Variants in RCAN2 observed in about 807,000 individuals in gnomAD.
The protein encoded by RCAN2 is calcipressin-2.
In RCAN2, 9 loss-of-function variants were observed where a neutral mutation model predicts 23.6. The observed-to-expected ratio is 0.38, with a 90% confidence interval of 0.23 to 0.67. RCAN2 has a LOEUF of 0.67. Among genes scored for constraint, RCAN2 ranks in the 30% least tolerant of loss-of-function variants. The pLI, the probability that RCAN2 is intolerant of heterozygous loss-of-function variation, is 0.51. For missense variants in RCAN2, 273 were observed against 302.3 expected (o/e 0.90, Z 0.72); for synonymous variants, 109 against 115.7 (o/e 0.94, Z 0.37).
At chr6:46,227,410 G>T (rs2150304588) in intron 4 of RCAN2, among the ~76,000 whole-genome samples, 1 of 152,206 alleles carries the variant, frequency 6.6e-6, no homozygotes, top group Non-Finnish European at 1.5e-5. Context: ...GAATACATCT[G>T]GTTCTGGACT....
chr6:46,289,047 T>A (rs1250325931), intron 2 of RCAN2, among the ~76,000 whole-genome samples: 1 of 152,234 alleles, frequency 6.6e-6, no homozygotes, highest in African/African-American at 2.4e-5. Context: ...GGGCTACATA[T>A]GCGGGAAGCT....
At chr6:46,272,081 C>T (rs1190079933) in intron 2 of RCAN2, among the ~76,000 whole-genome samples, 1 of 152,188 alleles carries the variant, frequency 6.6e-6, no homozygotes, top group African/African-American at 2.4e-5. Flanking sequence ...TTGCCAAAAG[C>T]CACTCAGCTA....
chr6:46,348,378 C>T (rs1014507084), intron 2 of RCAN2, among the ~76,000 whole-genome samples: 8 of 152,148 alleles, frequency 5.3e-5, no homozygotes, highest in Admixed American at 2.6e-4. Context: ...GCCAGCCGTC[C>T]GTCTGTGGTA....
At chr6:46,227,904 G>T (rs1765732040) in intron 4 of RCAN2, among the ~76,000 whole-genome samples, 1 of 152,028 alleles carries the variant, frequency 6.6e-6, no homozygotes, top group Non-Finnish European at 1.5e-5. Context: ...TTTCTCTTGT[G>T]GGCATTTAGT....
At chr6:46,326,801 A>C (rs938984420) in intron 2 of RCAN2, among the ~76,000 whole-genome samples, 2 of 152,172 alleles carry the variant, frequency 1.3e-5, no homozygotes, top group Non-Finnish European at 2.9e-5. Context: ...TTACATGCAG[A>C]TGAGAAAGGT....
chr6:46,311,215 A>G (rs1763249209), intron 2 of RCAN2, among the ~76,000 whole-genome samples: 1 of 152,110 alleles, frequency 6.6e-6, no homozygotes, highest in Admixed American at 6.5e-5. Flanking sequence ...TGGTCTGAAG[A>G]CTACACCCAG....
chr6:46,416,965 C>T (rs1164289295), intron 2 of RCAN2, among the ~76,000 whole-genome samples: 1 of 152,148 alleles, frequency 6.6e-6, no homozygotes, highest in South Asian at 2.1e-4. Flanking sequence ...ACAGCATTTA[C>T]CATTGCATAA....
chr6:46,418,703 A>G (rs1030796777), intron 2 of RCAN2, among the ~76,000 whole-genome samples: 11 of 99,324 alleles, frequency 1.1e-4, no homozygotes, highest in African/African-American at 4.5e-4. Flanking sequence ...GTGTATATAT[A>G]TATATATATA....
intron 2 of RCAN2, among the ~76,000 whole-genome samples, chr6:46,255,449 T>A (rs1335279115): frequency 1.3e-5 from 2 of 152,066 alleles, no homozygotes; most frequent in African/African-American, 2.4e-5. Flanking sequence ...AAAAATAAGT[T>A]TTGTAGGAAT....
At chr6:46,344,895 A>G (rs915467626) in intron 2 of RCAN2, among the ~76,000 whole-genome samples, 5 of 152,102 alleles carry the variant, frequency 3.3e-5, no homozygotes, top group African/African-American at 1.2e-4. Context: ...ATGAATTATA[A>G]ACATTTTAAT....
intron 2 of RCAN2, among the ~76,000 whole-genome samples, chr6:46,260,466 C>G (rs1306558088): frequency 1.3e-5 from 2 of 152,038 alleles, no homozygotes; most frequent in Non-Finnish European, 2.9e-5. Context: ...AAAGTGGAGA[C>G]TGAGGAAGAG....
At chr6:46,299,540 T>C (rs867942175) in intron 2 of RCAN2, among the ~76,000 whole-genome samples, 1 of 152,026 alleles carries the variant, frequency 6.6e-6, no homozygotes, top group Non-Finnish European at 1.5e-5. Flanking sequence ...CTTTTCTTCA[T>C]TTTCTCACAT....
At chr6:46,301,797 G>A (rs1762910749) in intron 2 of RCAN2, among the ~76,000 whole-genome samples, 1 of 152,062 alleles carries the variant, frequency 6.6e-6, no homozygotes, top group African/African-American at 2.4e-5. Flanking sequence ...AGGAGGGAAA[G>A]AAGACCAGTG....
chr6:46,237,764 C>A (rs541475704), intron 4 of RCAN2, among the ~76,000 whole-genome samples: 1 of 152,288 alleles, frequency 6.6e-6, no homozygotes. Context: ...ATATGCTATG[C>A]GCTTCTACTT....
intron 2 of RCAN2, among the ~76,000 whole-genome samples, chr6:46,249,599 C>T (rs548353056): frequency 2.6e-5 from 4 of 152,144 alleles, no homozygotes; most frequent in Non-Finnish European, 5.9e-5. Context: ...AGATTACAGG[C>T]ATGAGCCACC....
intron 2 of RCAN2, among the ~76,000 whole-genome samples, chr6:46,437,711 G>T (rs1767413872): frequency 6.6e-6 from 1 of 152,106 alleles, no homozygotes; most frequent in South Asian, 2.1e-4. Context: ...AATTAAGAAG[G>T]CATCCTATCC....
chr6:46,288,349 G>C (rs371274508), intron 2 of RCAN2, among the ~76,000 whole-genome samples: 2 of 152,216 alleles, frequency 1.3e-5, no homozygotes, highest in Admixed American at 1.3e-4. Flanking sequence ...TTCCCGTTAA[G>C]GAATCCCAGG....
intron 2 of RCAN2, among the ~76,000 whole-genome samples, chr6:46,374,810 A>C (rs954210088): frequency 1.3e-5 from 2 of 152,240 alleles, no homozygotes; most frequent in Non-Finnish European, 2.9e-5. Context: ...TTTTTCAAAT[A>C]GCTCAGTTAC....
At chr6:46,338,281 T>C (rs1293476557) in intron 2 of RCAN2, among the ~76,000 whole-genome samples, 1 of 152,182 alleles carries the variant, frequency 6.6e-6, no homozygotes, top group African/African-American at 2.4e-5. Context: ...GTAGCTAGGA[T>C]ACCACCACTG....
Sources: allele counts gnomAD v4.1 joint callset (sites outside exome capture counted in the v4.1 genomes callset), GRCh38; gene constraint gnomAD v4.1.1; transcripts MANE v1.5; gene names NCBI Gene and HGNC (gene_info 2026-07-23, HGNC 2026-07-21).